SOX5: variants seen among roughly 807,000 people sequenced by gnomAD.
The protein encoded by SOX5 is SRY-box transcription factor 5.
Under a neutral mutation model 92.0 loss-of-function variants are expected in SOX5, and 9 were observed. The ratio of observed to expected loss-of-function variants is 0.10; its 90% CI spans 0.06 to 0.17. The LOEUF (loss-of-function observed/expected upper bound fraction) is 0.17, where lower values mean the gene tolerates loss of function less well. SOX5 is among the 10% of genes least tolerant of loss of function. SOX5 has a pLI of 1.00. For missense variants in SOX5, 642 were observed against 944.5 expected (o/e 0.68, Z 4.20); for synonymous variants, 344 against 336.3 (o/e 1.02, Z -0.25).
chr12:24,112,521 CTTTTTTTTT>C (rs139323766), intron 4 of SOX5, among the ~76,000 whole-genome samples: 62 of 75,690 alleles, frequency 8.2e-4, no homozygotes, highest in Admixed American at 2.2e-3. Context: ...TTCAAGGTTC[CTTTTTTTTT>C]TTTTTTTTTT....
chr12:23,683,064 T>A (rs2086892780), intron 6 of SOX5, among the ~76,000 whole-genome samples: 1 of 151,858 alleles, frequency 6.6e-6, no homozygotes, highest in African/African-American at 2.4e-5. Context: ...AATGACTAGC[T>A]TTTTTACAAT....
intron 3 of SOX5, among the ~76,000 whole-genome samples, chr12:24,251,443 G>C (rs985987064): frequency 2.0e-5 from 3 of 151,972 alleles, no homozygotes; most frequent in Non-Finnish European, 4.4e-5. Context: ...AATAAAATAG[G>C]TCCCATTTGC....
chr12:23,831,624 A>T (rs1353476274), intron 3 of SOX5, among the ~76,000 whole-genome samples: 1 of 152,022 alleles, frequency 6.6e-6, no homozygotes, highest in Non-Finnish European at 1.5e-5. Context: ...TCTTTTTTTA[A>T]AGTCCATACT....
intron 2 of SOX5, among the ~76,000 whole-genome samples, chr12:23,856,351 G>C (rs2096689359): frequency 6.6e-6 from 1 of 152,118 alleles, no homozygotes; most frequent in Non-Finnish European, 1.5e-5. Flanking sequence ...TTCTTGATGA[G>C]ATACACAAAA....
At position 23,972,227 on chromosome 12, in the gene SOX5, T is replaced by C. The variant is rs1019962006; in HGVS notation, c.-1-76203A>G. Among the ~76,000 whole-genome samples the C allele has an allele frequency of 3.3e-5, 5 of 152,328 alleles. No individual in the cohort carries two copies. In the East Asian group the frequency reaches 5.8e-4, roughly 18 times the overall value. ...TACTTCAAGGTATGTCAGTTGAGTA[T>C]TTTTACTTAGGAGTCAGAAGCTGAG... On this transcript the variant is annotated intron_variant, in intron 4 of 4. Coordinates refer to the SOX5 transcript ENST00000446891.
chr12:24,208,136 C>G (rs551153336), intron 4 of SOX5, among the ~76,000 whole-genome samples: 4 of 152,154 alleles, frequency 2.6e-5, no homozygotes, highest in Non-Finnish European at 5.9e-5. Flanking sequence ...TATCTGCACC[C>G]TGGTGTTACC....
intron 1 of SOX5, among the ~76,000 whole-genome samples, chr12:24,412,171 CTT>C (rs1964226249): frequency 6.6e-6 from 1 of 152,052 alleles, no homozygotes; most frequent in South Asian, 2.1e-4. Flanking sequence ...ATATCGATAA[CTT>C]GTGTTTTTTC....
At chr12:24,392,811 C>T (rs1026568444) in intron 1 of SOX5, among the ~76,000 whole-genome samples, 6 of 151,832 alleles carry the variant, frequency 4.0e-5, no homozygotes, top group Admixed American at 2.0e-4. Context: ...GAATGAGTAC[C>T]CCAAAGGAAC....
At chr12:24,451,709 C>A (rs959861373) in intron 1 of SOX5, among the ~76,000 whole-genome samples, 1 of 152,064 alleles carries the variant, frequency 6.6e-6, no homozygotes, top group Non-Finnish European at 1.5e-5. Context: ...GGGCTCTAAC[C>A]GATATTAGAG....
intron 3 of SOX5, among the ~76,000 whole-genome samples, chr12:23,819,388 G>A (rs965193930): frequency 7.9e-5 from 12 of 152,092 alleles, no homozygotes; most frequent in Admixed American, 2.0e-4. Flanking sequence ...TTAGTTTAGA[G>A]ATTAAGAGTG....
chr12:24,068,341 A>G (rs1273133282), intron 4 of SOX5, among the ~76,000 whole-genome samples: 1 of 152,170 alleles, frequency 6.6e-6, no homozygotes, highest in Non-Finnish European at 1.5e-5. Flanking sequence ...CCCTGAGCCA[A>G]AAGAAATCTG....
chr12:24,440,633 TGTGTGTGA>T (rs1050466240), intron 1 of SOX5, among the ~76,000 whole-genome samples: 4 of 122,168 alleles, frequency 3.3e-5, no homozygotes, highest in African/African-American at 7.9e-5. Flanking sequence ...TGTGTGTGTG[TGTGTGTGA>T]AGAACAGAAG....
At chr12:24,528,375 G>A (rs924495328) in intron 1 of SOX5, among the ~76,000 whole-genome samples, 46 of 152,200 alleles carry the variant, frequency 3.0e-4, no homozygotes, top group African/African-American at 8.4e-4. Flanking sequence ...ATTTAGGGGC[G>A]TAGAATCATG....
chr12:24,341,355 G>C (rs1322525424), intron 2 of SOX5, among the ~76,000 whole-genome samples: 1 of 152,150 alleles, frequency 6.6e-6, no homozygotes, highest in Non-Finnish European at 1.5e-5. Flanking sequence ...GCATGTGCCT[G>C]TAGTCCCAGC....
At chr12:24,525,878 AG>A (rs907070977) in intron 1 of SOX5, among the ~76,000 whole-genome samples, 25 of 151,368 alleles carry the variant, frequency 1.7e-4, no homozygotes, top group African/African-American at 5.8e-4. Context: ...AGTAGCCAGT[AG>A]GTATGAAGAA....
intron 7 of SOX5, among the ~76,000 whole-genome samples, chr12:23,663,139 C>A (rs533152573): frequency 1.3e-5 from 2 of 152,152 alleles, no homozygotes; most frequent in Non-Finnish European, 2.9e-5. Context: ...TGAGTCAAAA[C>A]GCCAGGGGTC....
At chr12:24,090,730 T>C (rs1032428394) in intron 4 of SOX5, among the ~76,000 whole-genome samples, 3 of 152,340 alleles carry the variant, frequency 2.0e-5, no homozygotes, top group East Asian at 1.9e-4. Context: ...TGTGCTATAG[T>C]ACTTTCAGGG....
chr12:24,294,597 C>A (rs549784643), intron 2 of SOX5, among the ~76,000 whole-genome samples: 2 of 152,274 alleles, frequency 1.3e-5, no homozygotes, highest in Non-Finnish European at 2.9e-5. Context: ...ATGGAGTCAC[C>A]AAAATGCACA....
chr12:24,314,316 T>C (rs1949493525), intron 2 of SOX5, among the ~76,000 whole-genome samples: 1 of 144,708 alleles, frequency 6.9e-6, no homozygotes, highest in Non-Finnish European at 1.5e-5. Context: ...TACTCCATGG[T>C]GTATATGTGC....
Sources: gnomAD v4.1 joint callset for allele counts (sites outside exome capture counted in the v4.1 genomes callset) on GRCh38, gnomAD v4.1.1 for gene constraint, MANE v1.5 for transcripts, NCBI Gene and HGNC (gene_info 2026-07-23, HGNC 2026-07-21) for gene names.